The following AP3B2 variants were observed in gnomAD, a reference collection of about 807,000 sequenced individuals.
AP3B2 encodes the protein AP-3 complex subunit beta-2.
In AP3B2, 50 loss-of-function variants were observed where a neutral mutation model predicts 126.9. The ratio of observed to expected loss-of-function variants is 0.39; its 90% confidence interval spans 0.31 to 0.50. The LOEUF (loss-of-function observed/expected upper bound fraction) is 0.50, where lower values mean the gene tolerates loss of function less well. Ranked by LOEUF, AP3B2 falls within the 20% of genes least tolerant of loss-of-function variation. The pLI, the probability that AP3B2 is intolerant of heterozygous loss-of-function variation, is 0.79. For synonymous variants in AP3B2, 541 were observed against 565.0 expected (o/e 0.96, Z 0.60); for missense variants, 1,177 against 1,426.4 (o/e 0.83, Z 2.82).
At chr15:82,669,149 T>C (rs1290594385) in intron 14 of AP3B2, among the ~76,000 whole-genome samples, 4 of 152,164 alleles carry the variant, frequency 2.6e-5, no homozygotes, top group African/African-American at 9.7e-5. Context: ...CAACAGGATA[T>C]GGCAAAGGTG....
chr15:82,679,609 T>A, intron 10 of AP3B2, 120 bp downstream of exon 10: 1 of 921,404 alleles, frequency 1.1e-6, no homozygotes, highest in Non-Finnish European at 1.7e-6. Flanking sequence ...GGGGCAGTCA[T>A]GGGCTCCTGG....
intron 24 of AP3B2, 79 bp from the exon 25 acceptor site, chr15:82,662,001 G>A: frequency 7.0e-7 from 1 of 1,419,284 alleles, no homozygotes; most frequent in South Asian, 1.2e-5. Flanking sequence ...TAGAGGCACA[G>A]CTTGGAGGCA....
chr15:82,681,088 C>T lies in AP3B2; in HGVS notation c.588+24G>A, dbSNP rs1435081433. 2 of 1,613,474 alleles carry T rather than the reference C, an allele frequency of 1.2e-6. No homozygotes were observed. Among genetic ancestry groups the T allele is most frequent in the African/African-American group, 2.7e-5 (2 of 75,048 alleles). ...AGGCCGGCTGCCGGTCACCACCCCTCCCGGAGCGCCCCTATACACGCACCG... is the reference window on the plus strand; with the variant it reads ...AGGCCGGCTGCCGGTCACCACCCCTTCCGGAGCGCCCCTATACACGCACCG... On this transcript the variant is annotated intron_variant, in intron 6 of 26. Coordinates refer to ENST00000535359, the MANE Select transcript of AP3B2 (RefSeq NM_001278512.2). The surrounding 1 kb of genome is among the most constrained non-coding windows in gnomAD (Gnocchi z 4.0).
chr15:82,666,820 C>A lies in AP3B2; in HGVS notation c.1779G>T (p.Gly593=). 1 of 1,613,982 alleles carries A rather than the reference C, an allele frequency of 6.2e-7. No homozygotes were observed. Among genetic ancestry groups the A allele is most frequent in the Non-Finnish European group, 8.5e-7 (1 of 1,179,890 alleles). The part of the protein sequence containing the change: ...RQLIVPSEQG[G]ALSRHAKKLF... ...GCTTCTTGGCATGGCGGCTGAGGGC[C>A]CCACCCTGCTCGGAAGGGACGATGA... is the stretch of plus-strand genomic sequence containing the variant. Residue 593 remains glycine (G), a synonymous_variant, in exon 15 of 27, where the codon GGG becomes GGT. Transcript: ENST00000535359.
At chr15:82,679,856 G>T in intron 9 of AP3B2, 56 bp from the exon 10 acceptor site, 5 of 1,500,330 alleles carry the variant, frequency 3.3e-6, no homozygotes, top group East Asian at 2.3e-5. Context: ...CTGCCTCGCT[G>T]CCCAGAGACA....
At chr15:82,695,333 A>G (rs917169122) in intron 1 of AP3B2, among the ~76,000 whole-genome samples, 2 of 152,056 alleles carry the variant, frequency 1.3e-5, no homozygotes, top group Non-Finnish European at 2.9e-5. Flanking sequence ...TCCTGACCTC[A>G]AGTGATCCAC....
Position 82,680,898 on chromosome 15 carries a change from A to C in AP3B2, c.710T>G (p.Val237Gly). ...LLIDVEEWGQVVIISMLTRYA... is the reference protein window; with the variant it reads ...LLIDVEEWGQGVIISMLTRYA... ...GCGGGTGAGCATGCTGATGATGACC[A>C]CCTGGCCCCACTCCTCCACGTCGAT... Residue 237 changes from valine (V) to glycine (G), a missense_variant, in exon 7 of 27, where the codon GTG (valine) becomes GGG (glycine). By Grantham distance (109) the Val-to-Gly change is moderately radical (BLOSUM62 -3). Transcript: ENST00000535359. The surrounding 1 kb of genome is among the most constrained non-coding windows in gnomAD (Gnocchi z 6.1). The C allele has an allele frequency of 1.2e-6, 2 of 1,613,782 alleles. No homozygotes were observed. Among genetic ancestry groups the C allele is most frequent in the South Asian group, 2.2e-5 (2 of 91,074 alleles).
chr15:82,662,987 C>T (rs1315901357), intron 22 of AP3B2, 65 bp from the exon 23 acceptor site: 28 of 1,548,346 alleles, frequency 1.8e-5, no homozygotes, highest in African/African-American at 2.7e-5. Flanking sequence ...CCAGCATTGT[C>T]CCCTAGGGCC....
chr15:82,692,242 C>A (rs188385141), intron 1 of AP3B2: 1 of 980,174 alleles, frequency 1.0e-6, no homozygotes, highest in Non-Finnish European at 1.5e-6. Flanking sequence ...AGGCAGTGCC[C>A]ATTCTTAAGC....
At chr15:82,699,503 G>A (rs1458107708) in intron 1 of AP3B2, 1 of 398,386 alleles carries the variant, frequency 2.5e-6, no homozygotes, top group Non-Finnish European at 4.4e-6. Flanking sequence ...CGCCCAGCCT[G>A]GACCCTAAAT....
At chr15:82,685,906 T>C (rs1413107688) in intron 4 of AP3B2, 1 of 152,232 alleles carries the variant, frequency 6.6e-6, no homozygotes, top group African/African-American at 2.4e-5. Context: ...ATTTATTTAT[T>C]TATTTATTGC....
At position 82,664,864 on chromosome 15, in the gene AP3B2, T is replaced by C. The variant is rs921448209; in HGVS notation, c.2108A>G (p.Glu703Gly). 6.2e-7 allele frequency: 1 copy of C among 1,601,130 alleles called. No homozygotes were observed. The highest frequency in any genetic ancestry group is 1.3e-5 in the African/African-American group (1 of 74,860). ...EKPFYSDSEG[E>G]SGPTESADSD... ...GTCTGCGGACTCCGTGGGGCCTGAC[T>C]CCCCCTCAGAGTCCGAGTAGAAGGG... is the stretch of plus-strand genomic sequence containing the variant. The change falls in exon 18 of 27, where the codon GAG (glutamate) becomes GGG (glycine). Residue 703 changes from glutamate to glycine, a missense_variant. Physicochemically the swap from Glu to Gly is moderately conservative, Grantham distance 98. Coordinates refer to ENST00000535359, the MANE Select transcript of AP3B2 (RefSeq NM_001278512.2). This position sits in a 1 kb window ranked among gnomAD's most constrained non-coding sequence, Gnocchi z 4.5.
chr15:82,680,166 C>T lies in AP3B2; in HGVS notation c.1110+9G>A. 1.2e-6 allele frequency: 2 copies of T among 1,613,206 alleles called. No individual in the cohort carries two copies. ...GGACAGCGAGGACAGCCCGCCGTCG[C>T]AGGCTCACCCGGCGCTTGATGGACA... On this transcript the variant is annotated intron_variant, in intron 9 of 26. Coordinates refer to ENST00000535359, the MANE Select transcript of AP3B2 (RefSeq NM_001278512.2). The surrounding 1 kb of genome is among the most constrained non-coding windows in gnomAD (Gnocchi z 6.1).
intron 1 of AP3B2, among the ~76,000 whole-genome samples, chr15:82,691,298 A>G (rs140609841): frequency 0.014 from 2,120 of 152,312 alleles, 27 homozygotes; most frequent in South Asian, 0.026. Flanking sequence ...AATGATTGCC[A>G]TTCTAACTGG....
chr15:82,671,156 G>A (rs1038587675), intron 14 of AP3B2, among the ~76,000 whole-genome samples: 29 of 152,110 alleles, frequency 1.9e-4, no homozygotes, highest in Non-Finnish European at 3.4e-4. Context: ...GGTGACGCAC[G>A]CCTGTAGTCC....
intron 14 of AP3B2, among the ~76,000 whole-genome samples, chr15:82,670,540 T>C (rs1877471547): frequency 6.6e-6 from 1 of 152,186 alleles, no homozygotes; most frequent in African/African-American, 2.4e-5. Flanking sequence ...TCTCACCATA[T>C]GCAAAAATCA....
Position 82,676,470 on chromosome 15 carries a change from G to A in AP3B2, c.1656C>T (p.Asn552=), listed in dbSNP as rs2048244140. The A allele has an allele frequency of 6.2e-7, 1 of 1,613,982 alleles. No individual in the cohort carries two copies. Among genetic ancestry groups the A allele is most frequent in the South Asian group, 1.1e-5 (1 of 91,076 alleles). Residue 552 remains asparagine (N), a synonymous_variant, in exon 14 of 27, where the codon AAC becomes AAT. Transcript: ENST00000535359. ...ATCTCTTAATCTTTACCTGTTTAGA[G>A]TTGGTCAGGTAGAGCTTGGCTGCCA... ...INLAAKLYLT[N]SKQTKLLTQY...
rs539696054 is a variant in AP3B2 at position 82,709,046 on chromosome 15, G to A, written c.113+548C>T. 4.8e-4 allele frequency among the ~76,000 whole-genome samples: 73 copies of A among 152,304 alleles called. 1 individual carries two copies. The highest frequency in any genetic ancestry group is 1.8e-3 in the African/African-American group (73 of 41,560). ...AATCAAAGGTGGGGGAGGGTGTGAA[G>A]GTGGAGCTGAACTACAGGGGCAATG... On this transcript the variant is annotated intron_variant, in intron 1 of 26. Coordinates refer to ENST00000535359, the MANE Select transcript of AP3B2 (RefSeq NM_001278512.2).
Position 82,680,421 on chromosome 15 carries a change from T to TG in AP3B2, c.1055+50dup, listed in dbSNP as rs2048316368. The TG allele has an allele frequency of 9.4e-7, 1 of 1,058,614 alleles. No individual in the cohort carries two copies. The highest frequency in any genetic ancestry group is 1.1e-6 in the Non-Finnish European group (1 of 873,842). The allele number at this position is 1,058,614 out of a possible 1,614,324, so 65.6% of individuals were successfully genotyped here. A position where few individuals can be genotyped will look rare whatever the true frequency, so the allele number is the denominator to read the frequency against. On this transcript the variant is annotated intron_variant, in intron 8 of 26. Transcript: ENST00000535359. This position sits in a 1 kb window ranked among gnomAD's most constrained non-coding sequence, Gnocchi z 6.1. ...TGAGGGGGCGGAGCCGGGCAGCCCG[T>TG]GGGGCGGGGCAGGAGGCGAGGGAGG...
Sources: allele counts gnomAD v4.1 joint callset (sites outside exome capture counted in the v4.1 genomes callset), GRCh38; gene constraint gnomAD v4.1.1; non-coding constraint Gnocchi (gnomAD v3.1); transcripts MANE v1.5; gene names NCBI Gene and HGNC (gene_info 2026-07-23, HGNC 2026-07-21).